PIK3AP1: variants seen among roughly 807,000 people sequenced by gnomAD.
PIK3AP1 encodes the protein phosphoinositide 3-kinase adapter protein 1.
Under a neutral mutation model 88.1 loss-of-function variants are expected in PIK3AP1, and 21 were observed. That is an observed-to-expected ratio of 0.24 (90% CI 0.17 to 0.34). The LOEUF is 0.34. Ranked by LOEUF, PIK3AP1 falls within the 10% of genes least tolerant of loss-of-function variation. PIK3AP1 has a pLI of 1.00. For missense variants in PIK3AP1, 828 were observed against 1,035.7 expected, an observed-to-expected ratio of 0.80 and a Z score of 2.75; for synonymous variants, 398 against 400.0, an observed-to-expected ratio of 1.00 and a Z score of 0.06.
chr10:96,629,923 A>AG (rs1843217870), intron 8 of PIK3AP1, among the ~76,000 whole-genome samples: 1 of 67,578 alleles, frequency 1.5e-5, no homozygotes, highest in Non-Finnish European at 3.4e-5. Context: ...AAAAAAAAAA[A>AG]AAAAAAAAAG....
intron 3 of PIK3AP1, 94 bp downstream of exon 3, chr10:96,656,704 A>C: frequency 1.8e-5 from 27 of 1,516,584 alleles, no homozygotes; most frequent in Non-Finnish European, 2.4e-5. Context: ...ACTGAGGTGC[A>C]ATACAAGAAA....
intron 1 of PIK3AP1, among the ~76,000 whole-genome samples, chr10:96,715,711 A>C (rs1844492753): frequency 6.6e-6 from 1 of 152,042 alleles, no homozygotes; most frequent in South Asian, 2.1e-4. Flanking sequence ...TAACATGGTG[A>C]AAACCCGTCT....
chr10:96,716,920 T>C (rs952462010), intron 1 of PIK3AP1, among the ~76,000 whole-genome samples: 5 of 151,918 alleles, frequency 3.3e-5, no homozygotes, highest in South Asian at 2.1e-4. Flanking sequence ...AGGGAGTCCA[T>C]GGGGTGAAAA....
chr10:96,675,039 T>G (rs1388357294), intron 2 of PIK3AP1, among the ~76,000 whole-genome samples: 1 of 152,160 alleles, frequency 6.6e-6, no homozygotes, highest in Non-Finnish European at 1.5e-5. Flanking sequence ...ATTACAGGCA[T>G]GTGTCACCAC....
chr10:96,602,186 C>T (rs1040775073), intron 16 of PIK3AP1, 94 bp downstream of exon 16: 39 of 1,097,704 alleles, frequency 3.6e-5, no homozygotes, highest in Middle Eastern at 2.3e-4. Context: ...CCCAGCTCTG[C>T]GCTTATTCTT....
At chr10:96,647,587 A>T (rs1464597890) in intron 7 of PIK3AP1, among the ~76,000 whole-genome samples, 9 of 152,210 alleles carry the variant, frequency 5.9e-5, no homozygotes, top group Non-Finnish European at 1.0e-4. Flanking sequence ...GACGCCCAAA[A>T]AAAAGGACTC....
intron 16 of PIK3AP1, 88 bp from the exon 17 acceptor site, chr10:96,595,722 A>T: frequency 7.6e-7 from 1 of 1,313,722 alleles, no homozygotes. Context: ...AACTTGGTAT[A>T]CTATGCAAAG....
chr10:96,633,141 G>A, intron 8 of PIK3AP1: 1 of 1,443,934 alleles, frequency 6.9e-7, no homozygotes, highest in East Asian at 2.5e-5. Context: ...CAGAGTCAAT[G>A]CCCTCAGGAA....
rs778316730 is a variant in PIK3AP1 at position 96,651,395 on chromosome 10, G to A, written c.856-15C>T. The A allele has an allele frequency of 6.2e-7, 1 of 1,614,180 alleles. No homozygotes were observed. The highest frequency in any genetic ancestry group is 8.5e-7 in the Non-Finnish European group (1 of 1,180,032). On this transcript the variant is annotated splice_polypyrimidine_tract_variant and intron_variant, in intron 5 of 16. Coordinates refer to ENST00000339364, the MANE Select transcript of PIK3AP1 (RefSeq NM_152309.3). ...ATTTTAAAGGCCTGAAAACAAAAGT[G>A]AAGATGGTCAGATCTGAAATCCAGC...
Position 96,673,920 on chromosome 10 carries a change from T to C in PIK3AP1, c.431-16986A>G, listed in dbSNP as rs187365546. ...TACTTTCCCCCACTTAGGCTGACCC[T>C]TCGCATTCCGACCAGCTGAAAGGAT... On this transcript the variant is annotated intron_variant, in intron 2 of 16. Transcript: ENST00000339364. Among the ~76,000 whole-genome samples, 54 of 152,302 alleles carry C rather than the reference T, an allele frequency of 3.5e-4. No homozygotes were observed. The East Asian group carries it at 0.01, about 29-fold the overall frequency.
intron 8 of PIK3AP1, among the ~76,000 whole-genome samples, chr10:96,641,635 C>T (rs1287473392): frequency 6.6e-6 from 1 of 152,216 alleles, no homozygotes; most frequent in African/African-American, 2.4e-5. Flanking sequence ...GAGAGCCCTA[C>T]ATTCCAGTGG....
chr10:96,662,192 T>G (rs981067770), intron 2 of PIK3AP1, among the ~76,000 whole-genome samples: 1 of 152,190 alleles, frequency 6.6e-6, no homozygotes, highest in Non-Finnish European at 1.5e-5. Flanking sequence ...AACTGATGAA[T>G]GGATAAACAA....
intron 1 of PIK3AP1, among the ~76,000 whole-genome samples, chr10:96,717,025 G>C (rs1844510874): frequency 2.0e-5 from 3 of 152,128 alleles, no homozygotes; most frequent in African/African-American, 7.2e-5. Flanking sequence ...ACTTTGGGAG[G>C]CTAAGGAGGG....
intron 16 of PIK3AP1, among the ~76,000 whole-genome samples, chr10:96,597,080 G>A (rs1220868593): frequency 6.6e-6 from 1 of 151,972 alleles, no homozygotes; most frequent in African/African-American, 2.4e-5. Context: ...AGGATTAGAT[G>A]GTTTTGTATG....
chr10:96,645,293 G>A (rs1253440944), intron 8 of PIK3AP1, among the ~76,000 whole-genome samples, 180 bp downstream of exon 8: 1 of 152,150 alleles, frequency 6.6e-6, no homozygotes, highest in African/African-American at 2.4e-5. Flanking sequence ...AGGAAGTTTG[G>A]AGAAGAATTC....
At chr10:96,666,551 G>GA (rs2134249240) in intron 2 of PIK3AP1, among the ~76,000 whole-genome samples, 1 of 152,044 alleles carries the variant, frequency 6.6e-6, no homozygotes, top group Admixed American at 6.6e-5. Flanking sequence ...ATTTGGGTCT[G>GA]AAAAAAACTA....
chr10:96,620,242 C>T, intron 12 of PIK3AP1, 110 bp downstream of exon 12: 2 of 1,147,786 alleles, frequency 1.7e-6, no homozygotes, highest in Non-Finnish European at 2.6e-6. Flanking sequence ...TTCGCAGGCA[C>T]AGCCACAGGT....
At chr10:96,662,888 C>CAAAAA (rs749898725) in intron 2 of PIK3AP1, among the ~76,000 whole-genome samples, 777 of 22,508 alleles carry the variant, frequency 0.035, 142 homozygotes, top group Middle Eastern at 0.053. Flanking sequence ...GACTCCGTCT[C>CAAAAA]AAAAAAAAAA....
At chr10:96,631,532 G>A (rs1169647011) in intron 8 of PIK3AP1, among the ~76,000 whole-genome samples, 1 of 152,180 alleles carries the variant, frequency 6.6e-6, no homozygotes, top group African/African-American at 2.4e-5. Context: ...CTTCCACTTT[G>A]GGTACTATAA....
Sources: gnomAD v4.1 joint callset for allele counts (sites outside exome capture counted in the v4.1 genomes callset) on GRCh38, gnomAD v4.1.1 for gene constraint, MANE v1.5 for transcripts, NCBI Gene and HGNC (gene_info 2026-07-23, HGNC 2026-07-21) for gene names.